The following RBM45 variants were observed in gnomAD, a reference collection of about 807,000 sequenced individuals.
The protein encoded by RBM45 is RNA binding motif protein 45.
A neutral mutation model predicts 58.5 loss-of-function variants in RBM45; 39 were observed. The ratio of observed to expected loss-of-function variants is 0.67; its 90% CI spans 0.52 to 0.87. The LOEUF (loss-of-function observed/expected upper bound fraction) is 0.87. RBM45 is among the 40% of genes least tolerant of loss of function. The probability of loss-of-function intolerance (pLI) is 0.00; values close to 1 mark genes in which losing one functional copy is unlikely to be tolerated. For synonymous variants in RBM45, 193 were observed against 203.0 expected (o/e 0.95, Z 0.42); for missense variants, 481 against 581.6 (o/e 0.83, Z 1.78).
At chr2:178,126,999 A>T (rs2087938913) in intron 9 of RBM45, among the ~76,000 whole-genome samples, 1 of 151,494 alleles carries the variant, frequency 6.6e-6, no homozygotes, top group Admixed American at 6.6e-5. Flanking sequence ...TGCAGTGGCG[A>T]GATCTCGATT....
chr2:178,126,635 A>G (rs1349244736), intron 9 of RBM45, among the ~76,000 whole-genome samples: 1 of 152,218 alleles, frequency 6.6e-6, no homozygotes, highest in African/African-American at 2.4e-5. Context: ...ATGCCTAAAA[A>G]GCAATATCAA....
intron 5 of RBM45, among the ~76,000 whole-genome samples, chr2:178,122,264 T>A (rs1279813364): frequency 6.6e-6 from 1 of 152,064 alleles, no homozygotes; most frequent in Non-Finnish European, 1.5e-5. Context: ...TGAGGGGTGG[T>A]AGAGAGAAAT....
At chr2:178,124,767 T>C (rs1049874014) in intron 8 of RBM45, among the ~76,000 whole-genome samples, 1 of 152,206 alleles carries the variant, frequency 6.6e-6, no homozygotes, top group Non-Finnish European at 1.5e-5. Context: ...TGAGCCAAGA[T>C]TGTGCTACTG....
At chr2:178,118,271 CTG>C in intron 3 of RBM45, 90 bp downstream of exon 3, 1 of 1,216,874 alleles carries the variant, frequency 8.2e-7, no homozygotes, top group South Asian at 1.8e-5. Context: ...TTGCTAATAA[CTG>C]TATCTGCTAA....
At chr2:178,114,864 T>G (rs2087752337) in intron 1 of RBM45, among the ~76,000 whole-genome samples, 1 of 152,186 alleles carries the variant, frequency 6.6e-6, no homozygotes, top group South Asian at 2.1e-4. Context: ...CCCATTACAG[T>G]TGTGAGCCAC....
At chr2:178,134,553 G>A (rs1439503738), downstream of RBM45, among the ~76,000 whole-genome samples, 1 of 148,704 alleles carries the variant, frequency 6.7e-6, no homozygotes, top group Non-Finnish European at 1.5e-5. Context: ...TAAGGGTTTT[G>A]TTTGCTTGCT....
At chr2:178,131,568 G>A (rs1362298475), downstream of RBM45, among the ~76,000 whole-genome samples, 6 of 152,146 alleles carry the variant, frequency 3.9e-5, no homozygotes, top group African/African-American at 1.2e-4. Context: ...TCAGGCAGCC[G>A]GTCCCAGCAA....
At chr2:178,139,007 CAG>C (rs1471024147) in exon 4 of RBM45, 1 of 146,776 alleles carries the variant, frequency 6.8e-6, no homozygotes, top group East Asian at 2.0e-4. Context: ...AAATTAATAA[CAG>C]AATGTCTCCT....
At chr2:178,113,853 T>A (rs1020955617) in intron 1 of RBM45, among the ~76,000 whole-genome samples, 1 of 152,224 alleles carries the variant, frequency 6.6e-6, no homozygotes, top group African/African-American at 2.4e-5. Flanking sequence ...CTCAATTTTT[T>A]AAAAAATTGT....
At chr2:178,132,648 T>C, downstream of RBM45, among the ~76,000 whole-genome samples, 1 of 152,174 alleles carries the variant, frequency 6.6e-6, no homozygotes, top group Non-Finnish European at 1.5e-5. Context: ...TGGAGTACAA[T>C]GGTGCGATCT....
downstream of RBM45, among the ~76,000 whole-genome samples, chr2:178,134,645 G>C (rs1332991280): frequency 6.6e-6 from 1 of 151,768 alleles, no homozygotes. Context: ...TAATTTACTA[G>C]AAGTTCTGAT....
At chr2:178,135,576 C>T (rs2088038884) in intron 3 of RBM45, among the ~76,000 whole-genome samples, 1 of 152,162 alleles carries the variant, frequency 6.6e-6, no homozygotes, top group Admixed American at 6.6e-5. Context: ...AAGTAAATCT[C>T]CCTTACATCA....
intron 7 of RBM45, 76 bp from the exon 8 acceptor site, chr2:178,124,051 A>G (rs975333902): frequency 9.3e-6 from 14 of 1,504,272 alleles, no homozygotes; most frequent in African/African-American, 4.2e-5. Context: ...GCCATGATAC[A>G]TATCTGTCTT....
chr2:178,137,065 G>T (rs926795434), exon 4 of RBM45: 1 of 152,170 alleles, frequency 6.6e-6, no homozygotes, highest in African/African-American at 2.4e-5. Context: ...GTAGTGGATA[G>T]ATTCATTTTG....
Position 178,124,284 on chromosome 2 carries a change from T to G in RBM45, c.1226T>G (p.Ile409Arg). The G allele has an allele frequency of 6.6e-7, 1 of 1,526,468 alleles. No individual in the cohort carries two copies. The highest frequency in any genetic ancestry group is 8.9e-7 in the Non-Finnish European group (1 of 1,129,052). 94.6% of individuals were successfully genotyped at this position (1,526,468 alleles called of 1,614,324 possible). A position where few individuals can be genotyped will look rare whatever the true frequency, so the allele number is the denominator to read the frequency against. ...HPLPLDVLED[I>R]FCRFGNLIEV... The stretch of plus-strand genomic sequence containing the variant: ...TTACCTTTAGACGTATTAGAAGATA[T>G]ATTCTGGTAAGAAAGTTACATTTTT... The change falls in exon 8 of 10, where the codon ATA becomes AGA. Residue 409 changes from isoleucine (I) to arginine (R), a missense_variant. Transcript: ENST00000286070.
Position 178,123,538 on chromosome 2 carries a change from G to C in RBM45, c.870G>C (p.Gln290His). The change falls in exon 6 of 10, where the codon CAG becomes CAC. Residue 290 changes from glutamine (Q) to histidine (H), a missense_variant. Transcript: ENST00000286070. ...CTATTTTAGGTCATGGAGTGGTTCA[G>C]TATTTTAATGTAGCATCAGCTATTT... ...PYSNYGHGVVQYFNVASAIYA... is the reference protein window; with the variant it reads ...PYSNYGHGVVHYFNVASAIYA... 6.3e-7 allele frequency: 1 copy of C among 1,594,756 alleles called. No homozygotes were observed.
chr2:178,115,212 A>C (rs1428100640), intron 1 of RBM45, among the ~76,000 whole-genome samples: 1 of 152,228 alleles, frequency 6.6e-6, no homozygotes, highest in Non-Finnish European at 1.5e-5. Context: ...CTATGAAGGT[A>C]AAAATTTATG....
At chr2:178,135,767 A>G (rs909600317) in intron 3 of RBM45, among the ~76,000 whole-genome samples, 1 of 152,194 alleles carries the variant, frequency 6.6e-6, no homozygotes, top group Non-Finnish European at 1.5e-5. Context: ...TCTCATCTAG[A>G]AAATAAGAAA....
In RBM45 at chr2:178,112,660, G is replaced by T; in HGVS notation, c.114G>T (p.Glu38Asp). ...TTGTGATCAGCAAGTACACACCTGA[G>T]TCGGTGCTGAGGGAGCGCTTCTCGC... is the stretch of plus-strand genomic sequence containing the variant. ...IFLVISKYTP[E>D]SVLRERFSPF... The change falls in exon 1 of 10, where the codon GAG becomes GAT. Residue 38 changes from glutamate (E) to aspartate (D), a missense_variant. Physicochemically the swap from Glu to Asp is conservative, Grantham distance 45. Transcript: ENST00000286070. 1 of 1,614,248 alleles carries T rather than the reference G, an allele frequency of 6.2e-7. No homozygotes were observed. Among genetic ancestry groups the T allele is most frequent in the Non-Finnish European group, 8.5e-7 (1 of 1,180,040 alleles).
Sources: gnomAD v4.1 joint callset for allele counts (sites outside exome capture counted in the v4.1 genomes callset) on GRCh38, gnomAD v4.1.1 for gene constraint, MANE v1.5 for transcripts, NCBI Gene and HGNC (gene_info 2026-07-23, HGNC 2026-07-21) for gene names.